RAB5B: variants seen among roughly 807,000 people sequenced by gnomAD.
RAB5B encodes the protein ras-related protein Rab-5B.
RAB5B carries 11 observed loss-of-function variants against 28.6 expected under a neutral mutation model. That is an observed-to-expected ratio of 0.38 (90% CI 0.24 to 0.64). The LOEUF (loss-of-function observed/expected upper bound fraction) is 0.64. Among genes scored for constraint, RAB5B ranks in the 30% least tolerant of loss-of-function variants. RAB5B has a pLI of 0.53. For synonymous variants in RAB5B, 93 were observed against 97.9 expected, an observed-to-expected ratio of 0.95 and a Z score of 0.29; for missense variants, 169 against 265.6, an observed-to-expected ratio of 0.64 and a Z score of 2.53.
chr12:55,990,487 G>C (rs980400468), intron 3 of RAB5B, among the ~76,000 whole-genome samples, 195 bp from the exon 4 acceptor site: 1 of 152,102 alleles, frequency 6.6e-6, no homozygotes, highest in South Asian at 2.1e-4. Flanking sequence ...GCAGAAAACG[G>C]GTTCTTGAAA....
chr12:55,992,169 A>T lies in RAB5B; in HGVS notation c.605A>T (p.His202Leu). 2 of 1,610,146 alleles carry T rather than the reference A, an allele frequency of 1.2e-6. No individual in the cohort carries two copies. Among genetic ancestry groups the T allele is most frequent in the Non-Finnish European group, 1.7e-6 (2 of 1,178,372 alleles). ...AAGRSRGVDL[H>L]EQSQQNKSQC... ...GGCCGAAGCCGGGGTGTGGATCTCC[A>T]TGAACAGTCCCAGCAGAACAAGAGC... The change falls in exon 6 of 6, where the codon CAT becomes CTT. Residue 202 changes from histidine to leucine, a missense_variant. Transcript: ENST00000360299.
At chr12:55,982,372 T>A (rs1489980487) in intron 1 of RAB5B, among the ~76,000 whole-genome samples, 4 of 152,230 alleles carry the variant, frequency 2.6e-5, no homozygotes, top group Admixed American at 6.5e-5. Flanking sequence ...TTATATTTTT[T>A]AAATGATACC....
At chr12:55,989,535 C>T (rs746901125) in intron 2 of RAB5B, among the ~76,000 whole-genome samples, 16 of 152,188 alleles carry the variant, frequency 1.1e-4, no homozygotes, top group Non-Finnish European at 2.2e-4. Context: ...CAGCCCCCAC[C>T]TCCCAAAGTG....
chr12:55,994,189 T>G lies in RAB5B; in HGVS notation c.*1977T>G, dbSNP rs1439108213. 2.0e-5 allele frequency: 3 copies of G among 152,524 alleles called. No homozygotes were observed. The highest frequency in any genetic ancestry group is 7.2e-5 in the African/African-American group (3 of 41,404). 9.4% of individuals were successfully genotyped at this position (152,524 alleles called of 1,614,324 possible). On this transcript the variant is annotated 3_prime_UTR_variant, in exon 6 of 6. Coordinates refer to ENST00000360299, the MANE Select transcript of RAB5B (RefSeq NM_002868.4). ...TCCCATGGCCCTGAAACACACACAT[T>G]TCCCCCTTCCTTTCCCAGAAGCCAC...
rs1231257179 is a variant in RAB5B, at chr12:55,986,756, C to T, written c.-92-113C>T. 3 of 592,782 alleles carry T rather than the reference C, an allele frequency of 5.1e-6. No homozygotes were observed. The Admixed American group carries it at 8.7e-5, about 17-fold the overall frequency. 36.7% of individuals were successfully genotyped at this position (592,782 alleles called of 1,614,324 possible). A position where few individuals can be genotyped will look rare whatever the true frequency, so the allele number is the denominator to read the frequency against. ...GAGGATCAGCTGCCTGGGACCTTCT[C>T]AGAGCTAAGTCCTCATAGAAGCAAG... On this transcript the variant is annotated intron_variant, in intron 1 of 5. Coordinates refer to ENST00000360299, the MANE Select transcript of RAB5B (RefSeq NM_002868.4).
chr12:55,988,624 CT>C (rs1478461926), intron 2 of RAB5B, among the ~76,000 whole-genome samples: 23 of 152,220 alleles, frequency 1.5e-4, no homozygotes, highest in African/African-American at 5.5e-4. Context: ...GTGCCTCAGC[CT>C]CCTGAGCAGC....
At chr12:55,985,416 A>G (rs1309583310) in intron 1 of RAB5B, among the ~76,000 whole-genome samples, 1 of 152,248 alleles carries the variant, frequency 6.6e-6, no homozygotes, top group Non-Finnish European at 1.5e-5. Flanking sequence ...TTGAACAAGC[A>G]AAGTACAACT....
Position 55,992,455 on chromosome 12 carries a change from A to G in RAB5B, c.*243A>G. The G allele has an allele frequency of 1.5e-6, 1 of 663,574 alleles. No homozygotes were observed. The highest frequency in any genetic ancestry group is 2.4e-4 in the Middle Eastern group (1 of 4,144). The allele number at this position is 663,574 out of a possible 1,614,324, so 41.1% of individuals were successfully genotyped here. On this transcript the variant is annotated 3_prime_UTR_variant, in exon 6 of 6. Transcript: ENST00000360299. ...TGGGGGTCAACTCCCCCCAGGACTT[A>G]CCTTCCAAAACAAACTTTCTTCACT...
At chr12:55,986,785 AT>A (rs1481675005) in intron 1 of RAB5B, 83 bp from the exon 2 acceptor site, 48 of 623,872 alleles carry the variant, frequency 7.7e-5, no homozygotes, top group Non-Finnish European at 5.4e-5. Flanking sequence ...AAGCAAGGAG[AT>A]GAAGAGGTTC....
In RAB5B at chr12:55,987,245, C is replaced by G. The variant is rs751181190; in HGVS notation, c.163+122C>G. 9.8e-5 allele frequency: 95 copies of G among 972,390 alleles called. No individual in the cohort carries two copies. In the Middle Eastern group the frequency reaches 2.4e-3, roughly 24 times the overall value. 60.2% of individuals were successfully genotyped at this position (972,390 alleles called of 1,614,324 possible). A position where few individuals can be genotyped will look rare whatever the true frequency, so the allele number is the denominator to read the frequency against. On this transcript the variant is annotated intron_variant, in intron 2 of 5. Coordinates refer to ENST00000360299, the MANE Select transcript of RAB5B (RefSeq NM_002868.4). ...GCGCAATCTTGGCTTACTGCAACCT[C>G]TGTCTCCCAGGTTCGAGCGATTCTC...
In RAB5B at chr12:55,990,315, G is replaced by C. The variant is rs568096627; in HGVS notation, c.315+217G>C. ...CCCAGCTACTCGGGAGGCTGAGGCA[G>C]GAGAATCGCTTGAACCCAGGAGGCG... is the stretch of plus-strand genomic sequence containing the variant. On this transcript the variant is annotated intron_variant, in intron 3 of 5. Coordinates refer to ENST00000360299, the MANE Select transcript of RAB5B (RefSeq NM_002868.4). The C allele has an allele frequency of 4.0e-5, 20 of 505,366 alleles. No homozygotes were observed. In the South Asian group the frequency reaches 4.1e-4, roughly 10 times the overall value. The allele number at this position is 505,366 out of a possible 1,614,324, so 31.3% of individuals were successfully genotyped here.
rs540688618 is a variant in RAB5B at position 55,982,293 on chromosome 12, A to G, written c.-92-4576A>G. Reference sequence around the variant, plus strand: ...TTTTTGTGGGAAAAAATGAGAATAGAAAATAAATAATTGAATCTTATATGT... The same window carrying G: ...TTTTTGTGGGAAAAAATGAGAATAGGAAATAAATAATTGAATCTTATATGT... On this transcript the variant is annotated intron_variant, in intron 1 of 5. Transcript: ENST00000360299. 3.5e-3 allele frequency among the ~76,000 whole-genome samples: 531 copies of G among 152,180 alleles called. 7 individuals carry two copies. Among genetic ancestry groups the G allele is most frequent in the Non-Finnish European group, 3.8e-3 (259 of 68,014 alleles).
chr12:55,978,364 T>C (rs1035793423), intron 1 of RAB5B, among the ~76,000 whole-genome samples: 3 of 151,366 alleles, frequency 2.0e-5, no homozygotes, highest in Non-Finnish European at 4.4e-5. Context: ...TAGCTGGGCG[T>C]GGTGGTGGGC....
At chr12:55,981,151 C>T in intron 1 of RAB5B, 7 of 851,568 alleles carry the variant, frequency 8.2e-6, no homozygotes, top group Non-Finnish European at 1.1e-5. Flanking sequence ...GCTACCTCTG[C>T]CTCCCAGGTT....
chr12:55,982,442 A>T (rs1889835562), intron 1 of RAB5B, among the ~76,000 whole-genome samples: 1 of 152,160 alleles, frequency 6.6e-6, no homozygotes, highest in South Asian at 2.1e-4. Context: ...ATTGCTGTGA[A>T]CAGGGAGGAA....
intron 4 of RAB5B, 52 bp from the exon 5 acceptor site, chr12:55,991,308 A>G: frequency 1.4e-6 from 2 of 1,406,780 alleles, no homozygotes; most frequent in Non-Finnish European, 2.0e-6. Flanking sequence ...TGGAAAGGCA[A>G]TACTCGTTCC....
chr12:55,979,983 ATGG>A (rs1889755567), intron 1 of RAB5B, among the ~76,000 whole-genome samples: 1 of 152,136 alleles, frequency 6.6e-6, no homozygotes, highest in African/African-American at 2.4e-5. Flanking sequence ...TTTTGTGCAA[ATGG>A]TGGCCTTTAA....
intron 1 of RAB5B, among the ~76,000 whole-genome samples, chr12:55,985,026 T>C (rs1889915400): frequency 1.3e-5 from 2 of 152,224 alleles, no homozygotes; most frequent in Admixed American, 1.3e-4. Flanking sequence ...AATACTTTAG[T>C]TATTTATATG....
At position 55,996,038 on chromosome 12, in the gene RAB5B, A is replaced by G. The variant is rs2136500043; in HGVS notation, c.*3826A>G. On this transcript the variant is annotated 3_prime_UTR_variant, in exon 6 of 6. Transcript: ENST00000360299. ...TAACAACTGGTAGGATAGGTTGGGC[A>G]TTAGCCTTCTTCAGTGATTTGATTG... 7.3e-6 allele frequency: 1 copy of G among 137,400 alleles called. No homozygotes were observed. The highest frequency in any genetic ancestry group is 2.3e-4 in the South Asian group (1 of 4,438). 8.5% of individuals were successfully genotyped at this position (137,400 alleles called of 1,614,324 possible).
Sources: gnomAD v4.1 joint callset for allele counts (sites outside exome capture counted in the v4.1 genomes callset) on GRCh38, gnomAD v4.1.1 for gene constraint, MANE v1.5 for transcripts, NCBI Gene and HGNC (gene_info 2026-07-23, HGNC 2026-07-21) for gene names.